SMAD7: variants seen among roughly 807,000 people sequenced by gnomAD.
The protein encoded by SMAD7 is MAD (mothers against decapentaplegic, Drosophila) homolog 7.
A neutral mutation model predicts 38.7 loss-of-function variants in SMAD7; 8 were observed. That is an observed-to-expected ratio of 0.21 (90% CI 0.12 to 0.37). The LOEUF is 0.37. Ranked by LOEUF, SMAD7 falls within the 10% of genes least tolerant of loss-of-function variation. SMAD7 has a pLI of 1.00. For synonymous variants in SMAD7, 327 were observed against 265.1 expected (o/e 1.23, Z -2.27); for missense variants, 477 against 577.9 (o/e 0.83, Z 1.79).
At position 48,950,200 on chromosome 18, in the gene SMAD7, G is replaced by A. The variant is rs905354125; in HGVS notation, c.225C>T (p.Pro75=). The A allele has an allele frequency of 7.4e-6, 11 of 1,487,684 alleles. No individual in the cohort carries two copies. The highest frequency in any genetic ancestry group is 1.5e-5 in the African/African-American group (1 of 68,050). The allele number at this position is 1,487,684 out of a possible 1,614,324, so 92.2% of individuals were successfully genotyped here. A position where few individuals can be genotyped will look rare whatever the true frequency, so the allele number is the denominator to read the frequency against. ...AVRGAKGHHH[P]HPPAAGAGAA... Reference sequence around the variant, plus strand: ...CGCCGGCGCCCGCGGCTGGCGGGTGGGGATGGTGGTGACCTTTGGCACCTC... The same window carrying A: ...CGCCGGCGCCCGCGGCTGGCGGGTGAGGATGGTGGTGACCTTTGGCACCTC... The change falls in exon 1 of 4, where the codon CCC becomes CCT. Residue 75 remains proline (P), a synonymous_variant. Coordinates refer to ENST00000262158, the MANE Select transcript of SMAD7 (RefSeq NM_005904.4).
At chr18:48,931,435 C>G (rs1257311393) in intron 3 of SMAD7, among the ~76,000 whole-genome samples, 1 of 152,164 alleles carries the variant, frequency 6.6e-6, no homozygotes, top group Non-Finnish European at 1.5e-5. Context: ...ACGGGTGGGA[C>G]TGGGCTTCAG....
rs145686330 is a variant in SMAD7 at position 48,948,427 on chromosome 18, G to C, written c.624C>G (p.Pro208=). Reference sequence around the variant, plus strand: ...CCATCGGGTATCTGGAGTAAGGAGGGGGGGGAGACTCTGAAATTAAAAAAG... The same window carrying C: ...CCATCGGGTATCTGGAGTAAGGAGGCGGGGGAGACTCTGAAATTAAAAAAG... ...LSRLCELESP[P]PPYSRYPMDF... The change falls in exon 2 of 4, where the codon CCC becomes CCG. Residue 208 remains proline, a synonymous_variant. Transcript: ENST00000262158. 46 of 1,595,278 alleles carry C rather than the reference G, an allele frequency of 2.9e-5. No homozygotes were observed. The highest frequency in any genetic ancestry group is 5.5e-5 in the African/African-American group (4 of 73,388).
chr18:48,924,726 C>A (rs193053095), intron 3 of SMAD7, among the ~76,000 whole-genome samples: 118 of 152,246 alleles, frequency 7.8e-4, no homozygotes, highest in African/African-American at 2.7e-3. Flanking sequence ...CCAGCTCCCC[C>A]ACCAGCAGCC....
chr18:48,924,989 A>T (rs796276063), intron 3 of SMAD7, among the ~76,000 whole-genome samples: 12 of 152,328 alleles, frequency 7.9e-5, no homozygotes, highest in African/African-American at 2.6e-4. Context: ...ATCTTCACAG[A>T]AACACAGTTC....
Position 48,921,976 on chromosome 18 carries a change from C to T in SMAD7, c.743-66G>A. 2 of 1,276,614 alleles carry T rather than the reference C, an allele frequency of 1.6e-6. No individual in the cohort carries two copies. The highest frequency in any genetic ancestry group is 2.3e-5 in the East Asian group (1 of 42,944). The allele number at this position is 1,276,614 out of a possible 1,614,324, so 79.1% of individuals were successfully genotyped here. A position where few individuals can be genotyped will look rare whatever the true frequency, so the allele number is the denominator to read the frequency against. ...ATTGGTGACTCCTAGAATGAAGACACCCGCCCCCCCACTGCACCCAGTCAC... is the reference window on the plus strand; with the variant it reads ...ATTGGTGACTCCTAGAATGAAGACATCCGCCCCCCCACTGCACCCAGTCAC... On this transcript the variant is annotated intron_variant, in intron 3 of 3. Transcript: ENST00000262158. This position sits in a 1 kb window ranked among gnomAD's most constrained non-coding sequence, Gnocchi z 6.4.
In SMAD7 at chr18:48,921,253, CAAAA is replaced by C. The variant is rs370493054; in HGVS notation, c.*115_*118del. On this transcript the variant is annotated 3_prime_UTR_variant, in exon 4 of 4. Coordinates refer to ENST00000262158, the MANE Select transcript of SMAD7 (RefSeq NM_005904.4). The surrounding 1 kb of genome is among the most constrained non-coding windows in gnomAD (Gnocchi z 6.4). ...GAGAAGAAGAAAACCAACCAACAAA[CAAAA>C]AAAAAACGACCAAAGAGTTTGCATG... The C allele has an allele frequency of 1.4e-6, 1 of 710,552 alleles. No individual in the cohort carries two copies. The highest frequency in any genetic ancestry group is 2.1e-6 in the Non-Finnish European group (1 of 475,940). The allele number at this position is 710,552 out of a possible 1,614,324, so 44.0% of individuals were successfully genotyped here.
intron 3 of SMAD7, among the ~76,000 whole-genome samples, chr18:48,925,451 CA>C (rs1322634991): frequency 6.6e-6 from 1 of 152,158 alleles, no homozygotes; most frequent in East Asian, 1.9e-4. Flanking sequence ...CAACCTTCCC[CA>C]TTTCCCTTAA....
chr18:48,926,602 C>A (rs1335260963), intron 3 of SMAD7, among the ~76,000 whole-genome samples: 1 of 152,270 alleles, frequency 6.6e-6, no homozygotes, highest in Admixed American at 6.5e-5. Flanking sequence ...GCACGGCCGC[C>A]TCCTGCAGGC....
At chr18:48,936,116 AC>A (rs57442380) in intron 3 of SMAD7, among the ~76,000 whole-genome samples, 2,782 of 10,374 alleles carry the variant, frequency 0.27, 192 homozygotes, top group East Asian at 0.47. Context: ...ACACACACAC[AC>A]CACACACACA....
At chr18:48,937,662 G>C (rs978171731) in intron 3 of SMAD7, among the ~76,000 whole-genome samples, 1 of 152,174 alleles carries the variant, frequency 6.6e-6, no homozygotes, top group Non-Finnish European at 1.5e-5. Flanking sequence ...AGGTGAGCCC[G>C]CCCCAGCCCT....
Position 48,950,336 on chromosome 18 carries a change from C to G in SMAD7, c.89G>C (p.Gly30Ala), listed in dbSNP as rs1252476092. The change falls in exon 1 of 4, where the codon GGA becomes GCA. Residue 30 changes from glycine (G) to alanine (A), a missense_variant. Physicochemically the swap from Gly to Ala is moderately conservative, Grantham distance 60. Around this residue, in one of 2 missense-constraint regions of SMAD7, gnomAD observed 376 missense variants for 379.4 expected, o/e 0.99. Coordinates refer to ENST00000262158, the MANE Select transcript of SMAD7 (RefSeq NM_005904.4). ...CCGCAGCTCGCCTCCTCCTCCACCT[C>G]CCCCTGCGCCCTCCTCCTCGTCCTC... ...GGEDEEEGAG[G>A]GGGGGELRGE... is the part of the protein sequence containing the mutation. 2 of 1,540,588 alleles carry G rather than the reference C, an allele frequency of 1.3e-6. No individual in the cohort carries two copies. Among genetic ancestry groups the G allele is most frequent in the Admixed American group, 2.0e-5 (1 of 50,444 alleles).
chr18:48,937,264 ATGTGTGTGTG>A (rs71165354), intron 3 of SMAD7, among the ~76,000 whole-genome samples: 46 of 119,878 alleles, frequency 3.8e-4, no homozygotes, highest in South Asian at 1.3e-3. Flanking sequence ...AAGTAAAGGC[ATGTGTGTGTG>A]TGTGTGTGTG....
intron 3 of SMAD7, among the ~76,000 whole-genome samples, chr18:48,933,957 C>CCA (rs2070033853): frequency 6.6e-6 from 1 of 152,208 alleles, no homozygotes; most frequent in African/African-American, 2.4e-5. Context: ...AGCGGGCCAG[C>CCA]CACACACACA....
rs182079648 is a variant in SMAD7 at position 48,937,611 on chromosome 18, G to A, written c.742+4870C>T. Among the ~76,000 whole-genome samples, 65 of 152,300 alleles carry A rather than the reference G, an allele frequency of 4.3e-4. 1 individual carries two copies. Among genetic ancestry groups the A allele is most frequent in the Admixed American group, 3.8e-3 (58 of 15,294 alleles). ...TGACCTGGGGCACTGCAGAAGAGGC[G>A]GGGTCCAGGACTGGTCTTCACCAGG... On this transcript the variant is annotated intron_variant, in intron 3 of 3. Coordinates refer to ENST00000262158, the MANE Select transcript of SMAD7 (RefSeq NM_005904.4).
intron 3 of SMAD7, among the ~76,000 whole-genome samples, chr18:48,925,741 TA>T (rs1196184679): frequency 7.2e-6 from 1 of 139,010 alleles, no homozygotes; most frequent in African/African-American, 2.6e-5. Context: ...TTCCCCTTCT[TA>T]AATGTTTTTC....
chr18:48,945,090 C>T (rs565026937), intron 2 of SMAD7, among the ~76,000 whole-genome samples: 122 of 152,324 alleles, frequency 8.0e-4, no homozygotes, highest in African/African-American at 2.8e-3. Context: ...CCCCTACTCA[C>T]CACTGTACCC....
At chr18:48,934,200 C>A (rs1191589608) in intron 3 of SMAD7, among the ~76,000 whole-genome samples, 2 of 152,182 alleles carry the variant, frequency 1.3e-5, no homozygotes, top group African/African-American at 4.8e-5. Context: ...CAAAGCACAG[C>A]ACCGTTACTG....
intron 3 of SMAD7, among the ~76,000 whole-genome samples, chr18:48,932,369 A>C (rs1380284135): frequency 6.6e-6 from 1 of 152,236 alleles, no homozygotes; most frequent in East Asian, 1.9e-4. Flanking sequence ...GTTGAGTGAC[A>C]GTCGCAGATC....
At position 48,921,972 on chromosome 18, in the gene SMAD7, G is replaced by A. The variant is rs2069868066; in HGVS notation, c.743-62C>T. Reference sequence around the variant, plus strand: ...AGGCATTGGTGACTCCTAGAATGAAGACACCCGCCCCCCCACTGCACCCAG... The same window carrying A: ...AGGCATTGGTGACTCCTAGAATGAAAACACCCGCCCCCCCACTGCACCCAG... On this transcript the variant is annotated intron_variant, in intron 3 of 3. Coordinates refer to ENST00000262158, the MANE Select transcript of SMAD7 (RefSeq NM_005904.4). The surrounding 1 kb of genome is among the most constrained non-coding windows in gnomAD (Gnocchi z 6.4). 2 of 1,323,322 alleles carry A rather than the reference G, an allele frequency of 1.5e-6. No homozygotes were observed. Among genetic ancestry groups the A allele is most frequent in the Admixed American group, 2.2e-5 (1 of 45,730 alleles). 82.0% of individuals were successfully genotyped at this position (1,323,322 alleles called of 1,614,324 possible). A position where few individuals can be genotyped will look rare whatever the true frequency, so the allele number is the denominator to read the frequency against.
Sources: gnomAD v4.1 joint callset for allele counts (sites outside exome capture counted in the v4.1 genomes callset) on GRCh38, gnomAD v4.1.1 for gene constraint, gnomAD v4.1.1 regional missense constraint, Gnocchi (gnomAD v3.1) non-coding constraint, MANE v1.5 for transcripts, NCBI Gene and HGNC (gene_info 2026-07-23, HGNC 2026-07-21) for gene names.